The following WDR45B variants were observed in gnomAD, a reference collection of about 807,000 sequenced individuals.
The protein encoded by WDR45B is WD repeat domain 45B.
WDR45B carries 20 observed loss-of-function variants against 44.6 expected under a neutral mutation model. The observed-to-expected ratio is 0.45, with a 90% CI of 0.32 to 0.65. The LOEUF (loss-of-function observed/expected upper bound fraction) is 0.65. WDR45B is among the 30% of genes least tolerant of loss of function. The probability of loss-of-function intolerance (pLI) is 0.05; values close to 1 mark genes in which losing one functional copy is unlikely to be tolerated. For missense variants in WDR45B, 323 were observed against 430.2 expected, an observed-to-expected ratio of 0.75 and a Z score of 2.20; for synonymous variants, 169 against 164.9, an observed-to-expected ratio of 1.02 and a Z score of -0.19.
chr17:82,646,219 C>T (rs1015711713), intron 1 of WDR45B, among the ~76,000 whole-genome samples: 10 of 150,664 alleles, frequency 6.6e-5, no homozygotes, highest in African/African-American at 2.4e-4. Context: ...AGCCTGGCGC[C>T]GTGGCTCACG....
chr17:82,636,765 G>C (rs775675134), intron 2 of WDR45B, among the ~76,000 whole-genome samples: 1 of 151,932 alleles, frequency 6.6e-6, no homozygotes, highest in Non-Finnish European at 1.5e-5. Flanking sequence ...ACTGTAAACA[G>C]CCTACCCGCT....
chr17:82,633,098 G>A (rs1038278990), intron 2 of WDR45B, among the ~76,000 whole-genome samples: 14 of 150,800 alleles, frequency 9.3e-5, no homozygotes, highest in Admixed American at 8.6e-4. Flanking sequence ...GGGAGGCAGA[G>A]GTTGCAGTGA....
In WDR45B at chr17:82,619,072, T is replaced by C; in HGVS notation, c.675A>G (p.Arg225=). 6.2e-7 allele frequency: 1 copy of C among 1,614,212 alleles called. No individual in the cohort carries two copies. Among genetic ancestry groups the C allele is most frequent in the Non-Finnish European group, 8.5e-7 (1 of 1,180,046 alleles). Residue 225 remains arginine, a synonymous_variant, in exon 7 of 10, where the codon CGA becomes CGG. Coordinates refer to ENST00000392325, the MANE Select transcript of WDR45B (RefSeq NM_019613.4). ...AAATATTGGCTGCTTGAGATCCTCT[T>C]CGCAGTTCCTGGATTAAATGCCCTG... ...TSSGHLIQEL[R]RGSQAANIYC...
chr17:82,617,446 T>C, intron 7 of WDR45B, 49 bp from the exon 8 acceptor site: 29 of 1,578,994 alleles, frequency 1.8e-5, no homozygotes, highest in Non-Finnish European at 2.5e-5. Flanking sequence ...TGTGGAGGAG[T>C]CCAGAGACTT....
intron 2 of WDR45B, among the ~76,000 whole-genome samples, chr17:82,632,784 T>G (rs1358512544): frequency 6.6e-6 from 1 of 152,068 alleles, no homozygotes; most frequent in Non-Finnish European, 1.5e-5. Context: ...TCCCAGCACT[T>G]TGGCAGGCAG....
intron 5 of WDR45B, among the ~76,000 whole-genome samples, chr17:82,624,533 T>G (rs2045666422): frequency 6.6e-6 from 1 of 152,106 alleles, no homozygotes; most frequent in Non-Finnish European, 1.5e-5. Flanking sequence ...GTGCTGGGAT[T>G]ACAGGCGTGA....
Position 82,621,775 on chromosome 17 carries a change from C to T in WDR45B, c.452G>A (p.Ser151Asn). 1 of 1,614,122 alleles carries T rather than the reference C, an allele frequency of 6.2e-7. No homozygotes were observed. Among genetic ancestry groups the T allele is most frequent in the East Asian group, 2.2e-5 (1 of 44,884 alleles). Reference protein sequence around the residue: ...PKGLCVLCPNSNNSLLAFPGT... With the variant: ...PKGLCVLCPNNNNSLLAFPGT... ...CGGAAAGGCCAGGAGGGAGTTGTTA[C>T]TATTGGGACAAAGGACACAGAGGCC... The change falls in exon 6 of 10, where the codon AGT becomes AAT. Residue 151 changes from serine to asparagine, a missense_variant. Coordinates refer to ENST00000392325, the MANE Select transcript of WDR45B (RefSeq NM_019613.4).
rs11390951 is a variant in WDR45B at position 82,619,561 on chromosome 17, C to CAA, written c.619-435_619-434dup. 5.7e-3 allele frequency among the ~76,000 whole-genome samples: 808 copies of CAA among 142,910 alleles called. 7 individuals carry two copies. Among genetic ancestry groups the CAA allele is most frequent in the African/African-American group, 0.016 (638 of 38,668 alleles). The allele number at this position is 142,910 out of a possible 152,430, so 93.8% of individuals were successfully genotyped here. On this transcript the variant is annotated intron_variant, in intron 6 of 9. Coordinates refer to ENST00000392325, the MANE Select transcript of WDR45B (RefSeq NM_019613.4). The stretch of plus-strand genomic sequence containing the variant: ...GAATCCGGCCATCAAAAAGGTGAGG[C>CAA]AAAAAAAAAAAAATAAAAGGACTTA...
chr17:82,646,488 C>CAAAAAAAAAAAAAAAAA (rs779661551), intron 1 of WDR45B, among the ~76,000 whole-genome samples: 6 of 19,932 alleles, frequency 3.0e-4, no homozygotes, highest in Admixed American at 7.0e-4. Flanking sequence ...AACTCCGTCT[C>CAAAAAAAAAAAAAAAAA]AAAAAAAAAA....
At position 82,630,910 on chromosome 17, in the gene WDR45B, A is replaced by C; in HGVS notation, c.244+11T>G. On this transcript the variant is annotated intron_variant, in intron 3 of 9. Coordinates refer to ENST00000392325, the MANE Select transcript of WDR45B (RefSeq NM_019613.4). ...CGTGAGGCATGATTCTTCAATACAC[A>C]ATTACAGTACCTTTGTTGGGAGGGT... 6.2e-7 allele frequency: 1 copy of C among 1,610,744 alleles called. No individual in the cohort carries two copies. Among genetic ancestry groups the C allele is most frequent in the Non-Finnish European group, 8.5e-7 (1 of 1,178,718 alleles).
chr17:82,638,349 G>A lies in WDR45B; in HGVS notation c.142+5600C>T, dbSNP rs557410183. On this transcript the variant is annotated intron_variant, in intron 2 of 9. Transcript: ENST00000392325. ...GGTGGTGGGGAGACAGGACACGTTA[G>A]GGTGAAAGGGGGGTAGGAGAAGGTC... Among the ~76,000 whole-genome samples, 61 of 150,388 alleles carry A rather than the reference G, an allele frequency of 4.1e-4. 1 individual carries two copies. Among genetic ancestry groups the A allele is most frequent in the East Asian group, 1.8e-3 (9 of 5,078 alleles).
At chr17:82,642,244 C>T (rs887488191) in intron 2 of WDR45B, among the ~76,000 whole-genome samples, 5 of 152,126 alleles carry the variant, frequency 3.3e-5, no homozygotes, top group African/African-American at 1.2e-4. Flanking sequence ...GCATCCCCAC[C>T]AAGCTCTGCC....
chr17:82,648,343 C>G lies in WDR45B; in HGVS notation c.-3G>C. ...GGGTTACACGGCAGGAGGTTCATGG[C>G]GCCGCCGTGCTGGGTCGCCGCTCCT... On this transcript the variant is annotated 5_prime_UTR_variant, in exon 1 of 10. Coordinates refer to ENST00000392325, the MANE Select transcript of WDR45B (RefSeq NM_019613.4). 1.2e-6 allele frequency: 2 copies of G among 1,605,436 alleles called. No homozygotes were observed. The highest frequency in any genetic ancestry group is 2.3e-5 in the East Asian group (1 of 44,254).
rs2143226485 is a variant in WDR45B at position 82,614,870 on chromosome 17, C to T, written c.*1049G>A. ...CCCAAGTAGCTGACAATGTAGAGCC[C>T]ATAACCTAGTTACCAAATGTTAAAA... On this transcript the variant is annotated 3_prime_UTR_variant, in exon 10 of 10. Transcript: ENST00000392325. 6.6e-6 allele frequency: 1 copy of T among 152,244 alleles called. No homozygotes were observed. Among genetic ancestry groups the T allele is most frequent in the East Asian group, 1.9e-4 (1 of 5,186 alleles). 9.4% of individuals were successfully genotyped at this position (152,244 alleles called of 1,614,324 possible).
At chr17:82,617,168 A>G (rs984348459) in intron 8 of WDR45B, 128 bp downstream of exon 8, 2 of 814,740 alleles carry the variant, frequency 2.5e-6, no homozygotes, top group African/African-American at 3.4e-5. Context: ...AAAAGATTTC[A>G]GCGCTGATAG....
intron 3 of WDR45B, among the ~76,000 whole-genome samples, chr17:82,628,346 G>T (rs1448482593): frequency 6.6e-6 from 1 of 152,142 alleles, no homozygotes; most frequent in African/African-American, 2.4e-5. Flanking sequence ...TGCTAACATT[G>T]CAACATTCTA....
chr17:82,641,823 G>A (rs751199359), intron 2 of WDR45B, among the ~76,000 whole-genome samples: 24 of 151,364 alleles, frequency 1.6e-4, no homozygotes, highest in Non-Finnish European at 2.7e-4. Context: ...GCCTGAACCC[G>A]GGAGGCGGAG....
At chr17:82,640,191 C>G (rs959322487) in intron 2 of WDR45B, among the ~76,000 whole-genome samples, 2 of 152,068 alleles carry the variant, frequency 1.3e-5, no homozygotes, top group African/African-American at 4.8e-5. Flanking sequence ...CCCACAGTCT[C>G]CTTACTCAAT....
rs2045524922 is a variant in WDR45B, at chr17:82,615,828, C to T, written c.*91G>A. The T allele has an allele frequency of 3.3e-6, 4 of 1,218,808 alleles. No homozygotes were observed. Among genetic ancestry groups the T allele is most frequent in the Non-Finnish European group, 4.8e-6 (4 of 825,338 alleles). 75.5% of individuals were successfully genotyped at this position (1,218,808 alleles called of 1,614,324 possible). A position where few individuals can be genotyped will look rare whatever the true frequency, so the allele number is the denominator to read the frequency against. On this transcript the variant is annotated 3_prime_UTR_variant, in exon 10 of 10. Transcript: ENST00000392325. ...CAAGGTCCCTGGGCAGCCCCTCCAG[C>T]CCGTGGCCCAGGAGGCCCCTGGGGC...
Sources: gnomAD v4.1 joint callset for allele counts (sites outside exome capture counted in the v4.1 genomes callset) on GRCh38, gnomAD v4.1.1 for gene constraint, MANE v1.5 for transcripts, NCBI Gene and HGNC (gene_info 2026-07-23, HGNC 2026-07-21) for gene names.